Variants in FGD4 observed in about 807,000 individuals in gnomAD.
The protein encoded by FGD4 is FYVE, RhoGEF and PH domain containing 4.
FGD4 carries 42 observed loss-of-function variants against 102.0 expected under a neutral mutation model. The observed-to-expected ratio is 0.41, with a 90% CI of 0.32 to 0.53. FGD4 has a LOEUF of 0.53. FGD4 is among the 20% of genes least tolerant of loss of function. The probability of loss-of-function intolerance (pLI) is 0.21; values close to 1 mark genes in which losing one functional copy is unlikely to be tolerated. For synonymous variants in FGD4, 380 were observed against 375.7 expected (o/e 1.01, Z -0.13); for missense variants, 902 against 1,078.2 (o/e 0.84, Z 2.29).
At chr12:32,607,935 T>C in intron 7 of FGD4, 22 bp from the exon 8 acceptor site, 1 of 1,614,104 alleles carries the variant, frequency 6.2e-7, no homozygotes. Context: ...AAATGTTTCT[T>C]AGAAAACCTT....
At chr12:32,599,173 A>G (rs534292226) in intron 5 of FGD4, among the ~76,000 whole-genome samples, 4 of 152,268 alleles carry the variant, frequency 2.6e-5, no homozygotes, top group Non-Finnish European at 5.9e-5. Flanking sequence ...TCAAATATAC[A>G]CTTGGAAAGT....
intron 1 of FGD4, among the ~76,000 whole-genome samples, chr12:32,443,623 C>T (rs980673073): frequency 1.3e-5 from 2 of 149,058 alleles, no homozygotes; most frequent in Non-Finnish European, 3.0e-5. Flanking sequence ...ACTGTAGCCT[C>T]GAACTCCCAG....
intron 1 of FGD4, among the ~76,000 whole-genome samples, chr12:32,522,743 C>G (rs988784069): frequency 2.6e-5 from 4 of 151,318 alleles, no homozygotes; most frequent in African/African-American, 9.7e-5. Flanking sequence ...GTTTAGGAAC[C>G]ATATTTTGAA....
intron 1 of FGD4, among the ~76,000 whole-genome samples, chr12:32,469,163 C>T (rs10771951): frequency 0.37 from 56,543 of 151,922 alleles, 11,463 homozygotes; most frequent in South Asian, 0.51. Flanking sequence ...AAAATACATA[C>T]GCAAACAGTA....
rs1951137341 is a variant in FGD4, at chr12:32,641,152, A to G, written c.*619A>G. On this transcript the variant is annotated 3_prime_UTR_variant, in exon 17 of 17. Transcript: ENST00000534526. ...AAGTATATAGCAATTATGTATATAT[A>G]GTATTAAATATATATATTATACATG... 1 of 152,098 alleles carries G rather than the reference A, an allele frequency of 6.6e-6. No individual in the cohort carries two copies. Among genetic ancestry groups the G allele is most frequent in the Non-Finnish European group, 1.5e-5 (1 of 68,070 alleles). The allele number at this position is 152,098 out of a possible 1,614,324, so 9.4% of individuals were successfully genotyped here.
At chr12:32,479,010 A>T (rs1322390413) in intron 1 of FGD4, among the ~76,000 whole-genome samples, 1 of 152,056 alleles carries the variant, frequency 6.6e-6, no homozygotes, top group African/African-American at 2.4e-5. Flanking sequence ...CCAACTTATA[A>T]CTCCGTTTGC....
In FGD4 at chr12:32,643,432, G is replaced by T. The variant is rs928250876; in HGVS notation, c.*2899G>T. On this transcript the variant is annotated 3_prime_UTR_variant, in exon 17 of 17. Transcript: ENST00000534526. ...AGAGTATAAGGAAGGGAAATGGGAA[G>T]GGGCATCATTCCTTGGATTTTAAAT... The T allele has an allele frequency of 6.6e-6, 1 of 151,592 alleles. No individual in the cohort carries two copies. The highest frequency in any genetic ancestry group is 1.9e-4 in the East Asian group (1 of 5,194). 9.4% of individuals were successfully genotyped at this position (151,592 alleles called of 1,614,324 possible). A position where few individuals can be genotyped will look rare whatever the true frequency, so the allele number is the denominator to read the frequency against.
chr12:32,521,269 G>A (rs1168486087), intron 1 of FGD4, among the ~76,000 whole-genome samples: 1 of 151,632 alleles, frequency 6.6e-6, no homozygotes, highest in Non-Finnish European at 1.5e-5. Context: ...CCAGCTACTC[G>A]GGAGGCTGAG....
chr12:32,474,411 T>C (rs1244116241), intron 1 of FGD4, among the ~76,000 whole-genome samples: 1 of 152,236 alleles, frequency 6.6e-6, no homozygotes, highest in Non-Finnish European at 1.5e-5. Context: ...TTCTTTTGGC[T>C]GTACGAAAGA....
chr12:32,439,583 C>CA (rs1259392734), intron 1 of FGD4, among the ~76,000 whole-genome samples: 1 of 152,194 alleles, frequency 6.6e-6, no homozygotes, highest in Non-Finnish European at 1.5e-5. Context: ...TTACTAGCAG[C>CA]AATGTACAAG....
At chr12:32,602,450 C>A in intron 7 of FGD4, 133 bp downstream of exon 7, 2 of 979,456 alleles carry the variant, frequency 2.0e-6, no homozygotes, top group Non-Finnish European at 3.2e-6. Context: ...CCAAATTATG[C>A]AGATCATCTC....
chr12:32,620,693 A>ATTTTTTTTT (rs1208809588), intron 11 of FGD4, among the ~76,000 whole-genome samples: 22 of 97,092 alleles, frequency 2.3e-4, no homozygotes, highest in African/African-American at 9.7e-4. Flanking sequence ...CACCTGGCTA[A>ATTTTTTTTT]TTTTTTTTTT....
intron 1 of FGD4, among the ~76,000 whole-genome samples, chr12:32,533,052 G>T (rs1439153241): frequency 6.6e-6 from 1 of 152,142 alleles, no homozygotes; most frequent in Non-Finnish European, 1.5e-5. Context: ...ACATCCATCA[G>T]CTCCTAGCAG....
intron 1 of FGD4, among the ~76,000 whole-genome samples, chr12:32,455,755 A>G (rs1942930369): frequency 6.6e-6 from 1 of 152,156 alleles, no homozygotes; most frequent in Non-Finnish European, 1.5e-5. Context: ...ATCCTGAATC[A>G]GGAAACTTAG....
chr12:32,490,399 CT>C lies in FGD4; in HGVS notation c.167-73721del, dbSNP rs3077004. Among the ~76,000 whole-genome samples, 1,181 of 130,874 alleles carry C rather than the reference CT, an allele frequency of 9.0e-3. 11 individuals are homozygous for C. The highest frequency in any genetic ancestry group is 0.028 in the African/African-American group (985 of 35,402). The allele number at this position is 130,874 out of a possible 152,430, so 85.9% of individuals were successfully genotyped here. On this transcript the variant is annotated intron_variant, in intron 1 of 16. Transcript: ENST00000534526. ...TGTAGGAAAAGAGATTTTTATCAGTCTTTTTTTTTTTTTTTTTGAGATAGTC... is the reference window on the plus strand; with the variant it reads ...TGTAGGAAAAGAGATTTTTATCAGTCTTTTTTTTTTTTTTTTGAGATAGTC...
At chr12:32,470,682 G>C (rs1209029322) in intron 1 of FGD4, among the ~76,000 whole-genome samples, 1 of 152,022 alleles carries the variant, frequency 6.6e-6, no homozygotes, top group African/African-American at 2.4e-5. Context: ...TCGAACTCCT[G>C]ACCTCAGGTA....
chr12:32,590,732 C>G (rs528949534), intron 4 of FGD4, among the ~76,000 whole-genome samples: 1 of 152,272 alleles, frequency 6.6e-6, no homozygotes, highest in East Asian at 1.9e-4. Context: ...ATTAGGATTA[C>G]AAGAGATAAC....
chr12:32,564,042 AG>A (rs1944967743), intron 1 of FGD4, 94 bp from the exon 2 acceptor site: 3 of 1,024,632 alleles, frequency 2.9e-6, no homozygotes, highest in Admixed American at 3.2e-5. Context: ...GGGGAGGGGG[AG>A]GGAGAGGGAG....
intron 1 of FGD4, among the ~76,000 whole-genome samples, chr12:32,511,592 G>A (rs950863749): frequency 2.6e-5 from 4 of 152,086 alleles, no homozygotes; most frequent in East Asian, 1.9e-4. Flanking sequence ...GTGAGCCACC[G>A]CGCCCGGCCT....
Sources: allele counts gnomAD v4.1 joint callset (sites outside exome capture counted in the v4.1 genomes callset), GRCh38; gene constraint gnomAD v4.1.1; transcripts MANE v1.5; gene names NCBI Gene and HGNC (gene_info 2026-07-23, HGNC 2026-07-21).